The following PTPRD variants were observed in gnomAD, a reference collection of about 807,000 sequenced individuals.
The protein encoded by PTPRD is receptor-type tyrosine-protein phosphatase delta.
A neutral mutation model predicts 214.5 loss-of-function variants in PTPRD; 34 were observed. The ratio of observed to expected loss-of-function variants is 0.16; its 90% CI spans 0.12 to 0.21. The LOEUF (loss-of-function observed/expected upper bound fraction) is 0.21, where lower values mean the gene tolerates loss of function less well. PTPRD is among the 10% of genes least tolerant of loss of function. The probability of loss-of-function intolerance (pLI) is 1.00; values close to 1 mark genes in which losing one functional copy is unlikely to be tolerated. For synonymous variants in PTPRD, 1,128 were observed against 845.7 expected (o/e 1.33, Z -5.79); for missense variants, 2,545 against 2,398.7 (o/e 1.06, Z -1.27).
chr9:8,621,007 A>G (rs1595461125), intron 14 of PTPRD, among the ~76,000 whole-genome samples: 1 of 152,052 alleles, frequency 6.6e-6, no homozygotes, highest in African/African-American at 2.4e-5. Flanking sequence ...CTTTATGAAA[A>G]CAAATGCAAA....
intron 34 of PTPRD, among the ~76,000 whole-genome samples, chr9:8,439,542 T>C (rs1262113015): frequency 6.6e-6 from 1 of 152,222 alleles, no homozygotes; most frequent in Non-Finnish European, 1.5e-5. Context: ...TTTCTTTCAT[T>C]AGCCAAAATG....
chr9:8,741,049 A>ATT (rs1158445171), intron 11 of PTPRD, among the ~76,000 whole-genome samples: 1 of 152,218 alleles, frequency 6.6e-6, no homozygotes, highest in Non-Finnish European at 1.5e-5. Flanking sequence ...CCAAATTATT[A>ATT]TTGATGCATC....
At chr9:9,545,964 A>G (rs2154277654) in intron 8 of PTPRD, among the ~76,000 whole-genome samples, 1 of 151,630 alleles carries the variant, frequency 6.6e-6, no homozygotes, top group East Asian at 1.9e-4. Flanking sequence ...TTTTTATTCT[A>G]TCAGGGTTTT....
chr9:9,547,860 G>A (rs896409552), intron 8 of PTPRD, among the ~76,000 whole-genome samples: 1 of 148,006 alleles, frequency 6.8e-6, no homozygotes, highest in Admixed American at 6.7e-5. Context: ...TAAGCAAATT[G>A]CTAAAAATGA....
intron 2 of PTPRD, among the ~76,000 whole-genome samples, chr9:10,468,696 A>T (rs1319675738): frequency 6.6e-6 from 1 of 152,126 alleles, no homozygotes; most frequent in Non-Finnish European, 1.5e-5. Context: ...GCTTATTAAA[A>T]CAAAACAGAA....
At chr9:9,988,835 A>T (rs969744119) in intron 4 of PTPRD, among the ~76,000 whole-genome samples, 1 of 151,886 alleles carries the variant, frequency 6.6e-6, no homozygotes. Flanking sequence ...CACACATTAT[A>T]TAAGGGATAT....
intron 9 of PTPRD, among the ~76,000 whole-genome samples, chr9:9,374,196 A>T (rs1310180525): frequency 6.6e-6 from 1 of 152,098 alleles, no homozygotes; most frequent in Non-Finnish European, 1.5e-5. Context: ...ATATATATAA[A>T]ATGATAGACT....
intron 10 of PTPRD, among the ~76,000 whole-genome samples, chr9:9,048,454 A>G (rs2099677876): frequency 6.6e-6 from 1 of 152,206 alleles, no homozygotes; most frequent in Admixed American, 6.5e-5. Flanking sequence ...CATACACACA[A>G]TGGAGTACTA....
At chr9:9,182,698 G>A (rs990336774) in intron 10 of PTPRD, among the ~76,000 whole-genome samples, 1 of 151,920 alleles carries the variant, frequency 6.6e-6, no homozygotes, top group African/African-American at 2.4e-5. Context: ...TTAGAAAAGG[G>A]ATATGTAATG....
intron 7 of PTPRD, among the ~76,000 whole-genome samples, chr9:9,612,153 A>G (rs575519780): frequency 6.6e-6 from 1 of 152,282 alleles, no homozygotes; most frequent in East Asian, 1.9e-4. Flanking sequence ...ACATATTTAC[A>G]TTAAGTTCCT....
chr9:9,075,383 G>T (rs2099749540), intron 10 of PTPRD, among the ~76,000 whole-genome samples: 1 of 151,794 alleles, frequency 6.6e-6, no homozygotes, highest in African/African-American at 2.4e-5. Context: ...TCAAATACTA[G>T]ATATTATTCA....
At chr9:8,405,615 T>C (rs973580512) in intron 35 of PTPRD, among the ~76,000 whole-genome samples, 1 of 152,178 alleles carries the variant, frequency 6.6e-6, no homozygotes. Context: ...CATCATAGGC[T>C]ACTGATAACA....
At chr9:8,999,269 G>A (rs1374787504) in intron 11 of PTPRD, among the ~76,000 whole-genome samples, 1 of 151,956 alleles carries the variant, frequency 6.6e-6, no homozygotes, top group Non-Finnish European at 1.5e-5. Context: ...ATGTGCAATT[G>A]ATGAAGCAAA....
At position 9,502,189 on chromosome 9, in the gene PTPRD, A is replaced by T. The variant is rs10116327; in HGVS notation, c.-237+72543T>A. Among the ~76,000 whole-genome samples, 474 of 151,994 alleles carry T rather than the reference A, an allele frequency of 3.1e-3. 2 individuals carry two copies. The highest frequency in any genetic ancestry group is 0.01 in the African/African-American group (417 of 41,522). ...TACAATACATTATTATTAACTATAG[A>T]CACCATGCTGTACGTTAGATCTCTA... On this transcript the variant is annotated intron_variant, in intron 8 of 45. Transcript: ENST00000381196.
chr9:10,546,862 C>A (rs757280295), intron 2 of PTPRD, among the ~76,000 whole-genome samples: 1 of 151,866 alleles, frequency 6.6e-6, no homozygotes. Flanking sequence ...TAGAAAATTC[C>A]CCATTACAAC....
intron 8 of PTPRD, among the ~76,000 whole-genome samples, chr9:9,455,280 T>G (rs1381459946): frequency 3.3e-5 from 5 of 151,592 alleles, no homozygotes; most frequent in Non-Finnish European, 7.4e-5. Context: ...TTGCCTCATT[T>G]TTTAAAATAT....
chr9:9,377,296 C>CA (rs1157171894), intron 9 of PTPRD, among the ~76,000 whole-genome samples: 4 of 151,984 alleles, frequency 2.6e-5, no homozygotes, highest in African/African-American at 4.8e-5. Flanking sequence ...CCTCCATGAA[C>CA]AAAAAATACG....
At chr9:8,355,695 C>T (rs967688058) in intron 39 of PTPRD, among the ~76,000 whole-genome samples, 3 of 152,100 alleles carry the variant, frequency 2.0e-5, no homozygotes, top group African/African-American at 7.2e-5. Flanking sequence ...GCAGTGTACC[C>T]CAGGCATATA....
At chr9:9,838,991 C>T (rs2057594922) in intron 5 of PTPRD, among the ~76,000 whole-genome samples, 1 of 152,024 alleles carries the variant, frequency 6.6e-6, no homozygotes, top group African/African-American at 2.4e-5. Flanking sequence ...ATATGGCTAG[C>T]CAGTTTTCCC....
Sources: allele counts gnomAD v4.1 joint callset (sites outside exome capture counted in the v4.1 genomes callset), GRCh38; gene constraint gnomAD v4.1.1; transcripts MANE v1.5; gene names NCBI Gene and HGNC (gene_info 2026-07-23, HGNC 2026-07-21).